Variants in PDE3B observed in about 807,000 individuals in gnomAD.
The protein encoded by PDE3B is cGMP-inhibited 3',5'-cyclic phosphodiesterase 3B.
A neutral mutation model predicts 116.8 loss-of-function variants in PDE3B; 66 were observed. The ratio of observed to expected loss-of-function variants is 0.56; its 90% CI spans 0.46 to 0.69. The LOEUF is 0.69. PDE3B is among the 30% of genes least tolerant of loss of function. The probability of loss-of-function intolerance (pLI) is 0.00; values close to 1 mark genes in which losing one functional copy is unlikely to be tolerated. For synonymous variants in PDE3B, 595 were observed against 533.6 expected, an observed-to-expected ratio of 1.12 and a Z score of -1.59; for missense variants, 1,384 against 1,368.1, an observed-to-expected ratio of 1.01 and a Z score of -0.18.
At chr11:14,891,675 G>A in the PDE3B span, 97 of 1,167,778 alleles carry the variant, frequency 8.3e-5, no homozygotes, top group African/African-American at 1.4e-3. Context: ...CGCGGCTGGC[G>A]AGCCAAACGG....
chr11:14,891,006 A>C, the PDE3B span: 1 of 985,254 alleles, frequency 1.0e-6, no homozygotes, highest in Non-Finnish European at 1.2e-6. Flanking sequence ...TCATCTGCCA[A>C]CTCCTTAAAA....
At chr11:14,882,422 G>A in the PDE3B span, among the ~76,000 whole-genome samples, 1 of 152,142 alleles carries the variant, frequency 6.6e-6, no homozygotes, top group Non-Finnish European at 1.5e-5. Flanking sequence ...AACAGCTAGT[G>A]CAATGGTGCC....
intron 8 of PDE3B, 135 bp downstream of exon 8, chr11:14,830,981 A>C: frequency 4.7e-6 from 2 of 428,534 alleles, no homozygotes. Flanking sequence ...AAGTCACTAT[A>C]ACTGAAATAT....
intron 12 of PDE3B, among the ~76,000 whole-genome samples, chr11:14,857,703 A>G (rs1290390227): frequency 6.6e-6 from 1 of 152,202 alleles, no homozygotes; most frequent in Non-Finnish European, 1.5e-5. Context: ...ATGGTGAAAG[A>G]ATTCCGAACT....
chr11:14,669,491 T>G (rs1854299042), intron 1 of PDE3B, among the ~76,000 whole-genome samples: 1 of 152,188 alleles, frequency 6.6e-6, no homozygotes, highest in Admixed American at 6.5e-5. Flanking sequence ...ACTTTTAAGT[T>G]CTAGGGTACA....
At chr11:14,780,430 G>A (rs1857952861) in intron 2 of PDE3B, among the ~76,000 whole-genome samples, 1 of 152,148 alleles carries the variant, frequency 6.6e-6, no homozygotes, top group Admixed American at 6.6e-5. Flanking sequence ...GCACTCCTCA[G>A]CAAATGTAAA....
chr11:14,800,029 G>A (rs999208980), intron 4 of PDE3B, among the ~76,000 whole-genome samples: 2 of 152,096 alleles, frequency 1.3e-5, no homozygotes, highest in East Asian at 1.9e-4. Context: ...AGTGTTGATG[G>A]TCTTTACAAT....
chr11:14,732,418 T>A (rs1431614804), intron 1 of PDE3B, among the ~76,000 whole-genome samples: 1 of 152,178 alleles, frequency 6.6e-6, no homozygotes, highest in African/African-American at 2.4e-5. Context: ...GCAATTAAAT[T>A]GAGAACCGTG....
intron 4 of PDE3B, among the ~76,000 whole-genome samples, chr11:14,801,864 A>G (rs189850410): frequency 2.6e-5 from 4 of 152,312 alleles, no homozygotes; most frequent in East Asian, 3.9e-4. Flanking sequence ...TCTGGCCTCA[A>G]TGGCCTTGCT....
chr11:14,830,923 C>T, intron 8 of PDE3B, 77 bp downstream of exon 8: 1 of 992,500 alleles, frequency 1.0e-6, no homozygotes, highest in Non-Finnish European at 1.4e-6. Context: ...TACTTTTGCC[C>T]AGAACAAGAT....
chr11:14,687,548 T>C lies in PDE3B; in HGVS notation c.978+42495T>C, dbSNP rs1035599767. ...TATGAAGATTTTACTGGAAATTTGATTGGTTTTTCTGTCACCCAAGGGTAT... is the reference window on the plus strand; with the variant it reads ...TATGAAGATTTTACTGGAAATTTGACTGGTTTTTCTGTCACCCAAGGGTAT... On this transcript the variant is annotated intron_variant, in intron 1 of 15. Transcript: ENST00000282096. 6.6e-5 allele frequency among the ~76,000 whole-genome samples: 10 copies of C among 152,160 alleles called. No homozygotes were observed. The East Asian group carries it at 7.7e-4, about 12-fold the overall frequency.
rs185133515 is a variant in PDE3B at position 14,863,686 on chromosome 11, T to A, written c.2886+2320T>A. 6.4e-4 allele frequency among the ~76,000 whole-genome samples: 98 copies of A among 152,242 alleles called. 1 individual carries two copies. The East Asian group carries it at 0.014, about 22-fold the overall frequency. ...AGGAAAAGAATTCTCAACCCAGAATTTCATGTCCAGCCAAATTAAGCTTCA... is the reference window on the plus strand; with the variant it reads ...AGGAAAAGAATTCTCAACCCAGAATATCATGTCCAGCCAAATTAAGCTTCA... On this transcript the variant is annotated intron_variant, in intron 14 of 15. Coordinates refer to ENST00000282096, the MANE Select transcript of PDE3B (RefSeq NM_000922.4).
the PDE3B span, chr11:14,890,825 G>A: frequency 1.0e-6 from 1 of 978,148 alleles, no homozygotes; most frequent in African/African-American, 1.8e-5. Context: ...TGGGATTATA[G>A]GCGTGAGCCA....
intron 5 of PDE3B, among the ~76,000 whole-genome samples, chr11:14,809,087 A>G (rs1444787633): frequency 6.6e-6 from 1 of 152,204 alleles, no homozygotes; most frequent in Non-Finnish European, 1.5e-5. Context: ...GAGGACTCCC[A>G]CTTTCAAATT....
At chr11:14,880,540 C>T in the PDE3B span, 2 of 1,613,434 alleles carry the variant, frequency 1.2e-6, no homozygotes, top group South Asian at 2.2e-5. Flanking sequence ...ATAAGTGAAT[C>T]GTTCTCCAAA....
chr11:14,884,357 A>T, the PDE3B span, among the ~76,000 whole-genome samples: 1 of 152,082 alleles, frequency 6.6e-6, no homozygotes, highest in Non-Finnish European at 1.5e-5. Context: ...AGCCATAAAA[A>T]ATAATGAGTT....
chr11:14,644,456 T>TGCCTTCTTCTTCCTCACCTGC lies in PDE3B; in HGVS notation c.382_402dup (p.Ala128_Cys134dup), dbSNP rs1853312293. 1.9e-6 allele frequency: 3 copies of TGCCTTCTTCTTCCTCACCTGC among 1,613,204 alleles called. No individual in the cohort carries two copies. The highest frequency in any genetic ancestry group is 2.2e-5 in the South Asian group (2 of 91,028). On this transcript the variant is annotated inframe_insertion, in exon 1 of 16. Transcript: ENST00000282096. The stretch of plus-strand genomic sequence containing the variant: ...TGAGCCCCCTCTTCAGCATCGCCTG[T>TGCCTTCTTCTTCCTCACCTGC]GCCTTCTTCTTCCTCACCTGCTTCC...
At chr11:14,769,540 G>C (rs1857580459) in intron 1 of PDE3B, among the ~76,000 whole-genome samples, 2 of 149,352 alleles carry the variant, frequency 1.3e-5, no homozygotes, top group Non-Finnish European at 3.0e-5. Flanking sequence ...CAAGCAGCAG[G>C]ACTACTTTTT....
rs1440674052 is a variant in PDE3B at position 14,861,256 on chromosome 11, C to T, written c.2776C>T (p.Leu926Phe). ...AGAATGGAGTAATGAAAATGATCGC[C>T]TCTTGGTATGCCAGGTGTGCATCAA... is the stretch of plus-strand genomic sequence containing the variant. ...GIEWSNENDR[L>F]LVCQVCIKLA... is the part of the protein sequence containing the mutation. The change falls in exon 14 of 16, where the codon CTC becomes TTC. Residue 926 changes from leucine (L) to phenylalanine (F), a missense_variant. By Grantham distance (22) the Leu-to-Phe change is conservative. Around this residue, in one of 2 missense-constraint regions of PDE3B, gnomAD observed 428 missense variants for 561.4 expected, o/e 0.76. Coordinates refer to ENST00000282096, the MANE Select transcript of PDE3B (RefSeq NM_000922.4). The T allele has an allele frequency of 6.2e-7, 1 of 1,613,404 alleles. No individual in the cohort carries two copies.
Sources: gnomAD v4.1 joint callset for allele counts (sites outside exome capture counted in the v4.1 genomes callset) on GRCh38, gnomAD v4.1.1 for gene constraint, gnomAD v4.1.1 regional missense constraint, MANE v1.5 for transcripts, NCBI Gene and HGNC (gene_info 2026-07-23, HGNC 2026-07-21) for gene names.